Variants in PPP1R21 observed in about 807,000 individuals in gnomAD.
PPP1R21 encodes KLRAQ motif containing 1.
PPP1R21 carries 85 observed loss-of-function variants against 112.8 expected under a neutral mutation model. The ratio of observed to expected loss-of-function variants is 0.75; its 90% CI spans 0.63 to 0.90. The LOEUF is 0.90. PPP1R21 is among the 40% of genes least tolerant of loss of function. PPP1R21 has a pLI of 0.00. For synonymous variants in PPP1R21, 381 were observed against 322.3 expected (o/e 1.18, Z -1.95); for missense variants, 1,199 against 901.5 (o/e 1.33, Z -4.23).
At chr2:48,466,867 G>C (rs148139982) in intron 9 of PPP1R21, among the ~76,000 whole-genome samples, 1 of 152,056 alleles carries the variant, frequency 6.6e-6, no homozygotes, top group Non-Finnish European at 1.5e-5. Flanking sequence ...GGAAAGGAAG[G>C]TTGAAAGAGA....
chr2:48,479,632 A>G (rs1453180861), intron 12 of PPP1R21: 5 of 585,890 alleles, frequency 8.5e-6, no homozygotes, highest in East Asian at 3.9e-5. Flanking sequence ...CAAGGTAAAC[A>G]TTCACAAAGA....
intron 4 of PPP1R21, among the ~76,000 whole-genome samples, chr2:48,458,506 G>A (rs918292081): frequency 5.9e-5 from 9 of 151,676 alleles, no homozygotes; most frequent in Admixed American, 3.9e-4. Flanking sequence ...CATTTTATAT[G>A]GGAAGTGATT....
intron 1 of PPP1R21, among the ~76,000 whole-genome samples, chr2:48,449,178 A>G (rs1025517791): frequency 1.3e-5 from 2 of 152,214 alleles, no homozygotes; most frequent in African/African-American, 4.8e-5. Context: ...ACACCATGCA[A>G]ACTATAATAA....
Position 48,511,488 on chromosome 2 carries a change from G to A in PPP1R21, c.2313+20G>A. 1.2e-6 allele frequency: 2 copies of A among 1,604,808 alleles called. No individual in the cohort carries two copies. The highest frequency in any genetic ancestry group is 2.2e-5 in the East Asian group (1 of 44,802). On this transcript the variant is annotated intron_variant, in intron 21 of 21. Transcript: ENST00000294952. ...AGTAAGGTATGTGAGGTGAGGTGAG[G>A]TAGTCTCTCTGCAATATAATATTTA...
At chr2:48,450,531 C>A (rs1039730321) in intron 1 of PPP1R21, among the ~76,000 whole-genome samples, 1 of 152,202 alleles carries the variant, frequency 6.6e-6, no homozygotes, top group African/African-American at 2.4e-5. Context: ...TAATATTAGG[C>A]ACAGTGTCCT....
intron 9 of PPP1R21, among the ~76,000 whole-genome samples, chr2:48,466,177 A>C (rs186286486): frequency 6.3e-4 from 95 of 151,898 alleles, no homozygotes; most frequent in Middle Eastern, 3.4e-3. Flanking sequence ...TGAGATTTGC[A>C]TGGGGACATA....
At chr2:48,472,845 G>T (rs576544344) in intron 11 of PPP1R21, among the ~76,000 whole-genome samples, 160 of 151,656 alleles carry the variant, frequency 1.1e-3, no homozygotes, top group Non-Finnish European at 1.9e-3. Flanking sequence ...TAGCTACTTA[G>T]GAGGCTGAGA....
chr2:48,441,886 G>A (rs1029453554), intron 1 of PPP1R21, among the ~76,000 whole-genome samples: 3 of 152,174 alleles, frequency 2.0e-5, no homozygotes, highest in African/African-American at 7.2e-5. Context: ...TGGGAAGATG[G>A]TAATTCCTTT....
chr2:48,467,202 G>C (rs554568313), intron 9 of PPP1R21, among the ~76,000 whole-genome samples: 1 of 152,038 alleles, frequency 6.6e-6, no homozygotes, highest in African/African-American at 2.4e-5. Context: ...GTTCAAACAG[G>C]GTTTAAATGT....
chr2:48,454,496 G>A (rs1303021203), intron 2 of PPP1R21, 99 bp from the exon 3 acceptor site: 2 of 1,431,558 alleles, frequency 1.4e-6, no homozygotes, highest in African/African-American at 1.4e-5. Flanking sequence ...AAAGCAAGAG[G>A]TTTTGATTAT....
rs1670635716 is a variant in PPP1R21 at position 48,511,441 on chromosome 2, G to A, written c.2286G>A (p.Glu762=). Residue 762 remains glutamate (E), a synonymous_variant, in exon 21 of 22, where the codon GAG becomes GAA. Transcript: ENST00000294952. ...MNETLSKQRE[E]IDTLKMSSKG... ...AGACATTATCTAAACAGAGAGAAGA[G>A]ATTGACACACTAAAGATGTCCAGTA... The A allele has an allele frequency of 6.2e-7, 1 of 1,613,954 alleles. No homozygotes were observed. The highest frequency in any genetic ancestry group is 1.3e-5 in the African/African-American group (1 of 74,910).
At chr2:48,452,196 C>T (rs1454286437) in intron 2 of PPP1R21, among the ~76,000 whole-genome samples, 4 of 152,142 alleles carry the variant, frequency 2.6e-5, no homozygotes, top group East Asian at 1.9e-4. Flanking sequence ...TAGTAGCCTG[C>T]GCTGGTGTTT....
intron 17 of PPP1R21, among the ~76,000 whole-genome samples, chr2:48,502,743 C>T (rs1215147097): frequency 7.5e-6 from 1 of 133,256 alleles, no homozygotes; most frequent in Non-Finnish European, 1.5e-5. Context: ...TGCAGTGGTG[C>T]GATCTCCACT....
At chr2:48,447,190 C>G (rs777933934) in intron 1 of PPP1R21, among the ~76,000 whole-genome samples, 1 of 151,946 alleles carries the variant, frequency 6.6e-6, no homozygotes, top group African/African-American at 2.4e-5. Context: ...CTCTATGGGC[C>G]GTAGGGAGTC....
intron 11 of PPP1R21, 129 bp from the exon 12 acceptor site, chr2:48,474,554 A>G: frequency 2.6e-6 from 2 of 782,112 alleles, no homozygotes; most frequent in Non-Finnish European, 4.1e-6. Flanking sequence ...GAGCCATGCA[A>G]ATGAGATCAA....
intron 14 of PPP1R21, among the ~76,000 whole-genome samples, chr2:48,489,500 G>A (rs1251025323): frequency 1.3e-5 from 2 of 151,468 alleles, no homozygotes; most frequent in Admixed American, 6.6e-5. Context: ...ACACCACCAT[G>A]CCTGGCTAAT....
rs1669956911 is a variant in PPP1R21, at chr2:48,498,602, C to T, written c.1802C>T (p.Ala601Val). The T allele has an allele frequency of 6.2e-7, 1 of 1,614,200 alleles. No individual in the cohort carries two copies. Among genetic ancestry groups the T allele is most frequent in the Non-Finnish European group, 8.5e-7 (1 of 1,180,038 alleles). ...IKLEKENQRIADKLKNTGSAQ... is the reference protein window; with the variant it reads ...IKLEKENQRIVDKLKNTGSAQ... ...CTAGAGAAAGAAAACCAGCGAATTG[C>T]AGATAAGCTGAAGAATACAGGTAGT... Residue 601 changes from alanine to valine, a missense_variant, in exon 17 of 22, where the codon GCA becomes GTA. Ala to Val is a moderately conservative substitution (Grantham distance 64). Transcript: ENST00000294952.
intron 11 of PPP1R21, among the ~76,000 whole-genome samples, chr2:48,472,883 T>A (rs1033702282): frequency 6.6e-6 from 1 of 150,760 alleles, no homozygotes; most frequent in African/African-American, 2.4e-5. Flanking sequence ...CCCAGGAGTT[T>A]GAGGCTGCAG....
intron 3 of PPP1R21, among the ~76,000 whole-genome samples, chr2:48,455,254 C>G (rs1232819901): frequency 6.8e-6 from 1 of 147,294 alleles, no homozygotes; most frequent in Non-Finnish European, 1.5e-5. Context: ...TCAAGTGATT[C>G]TCCTGCCTCA....
Sources: gnomAD v4.1 joint callset for allele counts (sites outside exome capture counted in the v4.1 genomes callset) on GRCh38, gnomAD v4.1.1 for gene constraint, MANE v1.5 for transcripts, NCBI Gene and HGNC (gene_info 2026-07-23, HGNC 2026-07-21) for gene names.